Variants in ARHGAP42 observed in about 807,000 individuals in gnomAD.
ARHGAP42 encodes the protein Rho GTPase activating protein 42.
A neutral mutation model predicts 125.0 loss-of-function variants in ARHGAP42; 63 were observed. That is an observed-to-expected ratio of 0.50 (90% CI 0.41 to 0.62). The LOEUF (loss-of-function observed/expected upper bound fraction) is 0.62, where lower values mean the gene tolerates loss of function less well. ARHGAP42 is among the 20% of genes least tolerant of loss of function. The probability of loss-of-function intolerance (pLI) is 0.00; values close to 1 mark genes in which losing one functional copy is unlikely to be tolerated. For missense variants in ARHGAP42, 766 were observed against 1,024.2 expected (o/e 0.75, Z 3.44); for synonymous variants, 339 against 351.0 (o/e 0.97, Z 0.38).
intron 1 of ARHGAP42, among the ~76,000 whole-genome samples, chr11:100,729,443 G>C (rs1016693717): frequency 1.3e-5 from 2 of 152,110 alleles, no homozygotes; most frequent in Non-Finnish European, 2.9e-5. Flanking sequence ...CTTCTGTTGT[G>C]AATTTGGCCC....
intron 1 of ARHGAP42, among the ~76,000 whole-genome samples, chr11:100,733,233 A>C (rs551837719): frequency 6.6e-6 from 1 of 152,228 alleles, no homozygotes; most frequent in Non-Finnish European, 1.5e-5. Flanking sequence ...TTATCTATGA[A>C]ATAGGGATAA....
intron 12 of ARHGAP42, among the ~76,000 whole-genome samples, chr11:100,956,177 A>G (rs1452748288): frequency 3.0e-5 from 1 of 32,984 alleles, no homozygotes; most frequent in Non-Finnish European, 5.9e-5. Context: ...AGTAGTCAAA[A>G]GGGACATCAT....
chr11:100,725,632 A>G (rs973265899), intron 1 of ARHGAP42, among the ~76,000 whole-genome samples: 1 of 105,034 alleles, frequency 9.5e-6, no homozygotes, highest in Admixed American at 1.2e-4. Flanking sequence ...AAAAACAAAA[A>G]TAATAATAAA....
At chr11:100,965,006 G>A (rs1565297855) in intron 16 of ARHGAP42, among the ~76,000 whole-genome samples, 1 of 152,120 alleles carries the variant, frequency 6.6e-6, no homozygotes, top group Non-Finnish European at 1.5e-5. Context: ...GCAGGGCTGG[G>A]AAGGACTCGG....
intron 3 of ARHGAP42, among the ~76,000 whole-genome samples, chr11:100,818,814 A>T (rs1338010252): frequency 1.3e-5 from 2 of 152,038 alleles, no homozygotes; most frequent in Admixed American, 6.6e-5. Context: ...TCATCTGGTG[A>T]TATCTGAGAA....
chr11:100,762,397 G>C (rs1442554548), intron 1 of ARHGAP42, among the ~76,000 whole-genome samples: 1 of 152,136 alleles, frequency 6.6e-6, no homozygotes, highest in African/African-American at 2.4e-5. Context: ...TCTGTCTTCA[G>C]TGATCTCCCG....
intron 3 of ARHGAP42, among the ~76,000 whole-genome samples, chr11:100,837,947 T>TGTTATTTTATTTTATTTTA (rs1864853394): frequency 6.6e-6 from 1 of 150,908 alleles, no homozygotes; most frequent in Non-Finnish European, 1.5e-5. Flanking sequence ...TTTTATTTTA[T>TGTTATTTTATTTTATTTTA]TTTACTAGGA....
At chr11:100,894,617 T>G (rs1212638176) in intron 4 of ARHGAP42, among the ~76,000 whole-genome samples, 2 of 152,180 alleles carry the variant, frequency 1.3e-5, no homozygotes. Context: ...TGACAATTTT[T>G]ATGATGATTT....
intron 4 of ARHGAP42, among the ~76,000 whole-genome samples, chr11:100,882,613 A>T (rs1355802564): frequency 6.6e-6 from 1 of 151,704 alleles, no homozygotes. Context: ...TACTGGCCTC[A>T]TAGAATGATT....
intron 1 of ARHGAP42, among the ~76,000 whole-genome samples, chr11:100,725,666 A>C (rs908936518): frequency 6.6e-6 from 1 of 151,604 alleles, no homozygotes; most frequent in African/African-American, 2.4e-5. Flanking sequence ...GCCCGGGCGC[A>C]GTGGCTCACG....
intron 13 of ARHGAP42, among the ~76,000 whole-genome samples, chr11:100,960,333 C>G (rs529065702): frequency 7.7e-4 from 117 of 152,010 alleles, no homozygotes; most frequent in Non-Finnish European, 1.3e-3. Context: ...GTCACTGCCA[C>G]AGTTTTGGTA....
At chr11:100,779,455 A>AT (rs1320780195) in intron 2 of ARHGAP42, among the ~76,000 whole-genome samples, 16 of 73,532 alleles carry the variant, frequency 2.2e-4, no homozygotes, top group East Asian at 9.8e-4. Flanking sequence ...CAAAAAAAAA[A>AT]AAAAAAAAAA....
chr11:100,940,384 A>G (rs929139613), intron 8 of ARHGAP42, among the ~76,000 whole-genome samples: 5 of 152,158 alleles, frequency 3.3e-5, no homozygotes, highest in African/African-American at 1.2e-4. Context: ...TGCTATTCAT[A>G]TGTAGAAAAC....
At chr11:100,809,755 G>C (rs1262041385) in intron 3 of ARHGAP42, among the ~76,000 whole-genome samples, 1 of 152,140 alleles carries the variant, frequency 6.6e-6, no homozygotes, top group Non-Finnish European at 1.5e-5. Flanking sequence ...AGAAGTTTGA[G>C]ACCAGCCTGA....
intron 4 of ARHGAP42, among the ~76,000 whole-genome samples, chr11:100,911,832 A>G (rs1866927417): frequency 6.6e-6 from 1 of 152,092 alleles, no homozygotes; most frequent in Non-Finnish European, 1.5e-5. Flanking sequence ...CTCATTTTCC[A>G]GTTGTGTTTA....
intron 12 of ARHGAP42, among the ~76,000 whole-genome samples, chr11:100,957,418 T>C (rs972513820): frequency 1.3e-5 from 2 of 152,126 alleles, no homozygotes; most frequent in Non-Finnish European, 2.9e-5. Context: ...TCCCTCATTT[T>C]ATAAATGAAG....
At chr11:100,772,074 TGTATAG>T (rs896989697) in intron 2 of ARHGAP42, among the ~76,000 whole-genome samples, 2 of 152,186 alleles carry the variant, frequency 1.3e-5, no homozygotes, top group Non-Finnish European at 2.9e-5. Flanking sequence ...TTCTTTTTCT[TGTATAG>T]TTCTACCAGT....
intron 1 of ARHGAP42, among the ~76,000 whole-genome samples, chr11:100,706,310 G>A (rs1476310133): frequency 6.6e-6 from 1 of 152,152 alleles, no homozygotes; most frequent in African/African-American, 2.4e-5. Context: ...TCAGGAGATG[G>A]ACACATGATA....
chr11:100,886,030 T>A (rs1244870846), intron 4 of ARHGAP42, among the ~76,000 whole-genome samples: 2 of 152,190 alleles, frequency 1.3e-5, no homozygotes, highest in Non-Finnish European at 2.9e-5. Context: ...ATGGGTGCTA[T>A]CTCTTGGATG....
Sources: allele counts gnomAD v4.1 joint callset (sites outside exome capture counted in the v4.1 genomes callset), GRCh38; gene constraint gnomAD v4.1.1; transcripts MANE v1.5; gene names NCBI Gene and HGNC (gene_info 2026-07-23, HGNC 2026-07-21).